ARHGAP42: variants seen among roughly 807,000 people sequenced by gnomAD.
The protein encoded by ARHGAP42 is rho GTPase-activating protein 42.
In ARHGAP42, 63 loss-of-function variants were observed where a neutral mutation model predicts 125.0. The observed-to-expected ratio is 0.50, with a 90% CI of 0.41 to 0.62. The LOEUF (loss-of-function observed/expected upper bound fraction) is 0.62. Among genes scored for constraint, ARHGAP42 ranks in the 20% least tolerant of loss-of-function variants. The pLI, the probability that ARHGAP42 is intolerant of heterozygous loss-of-function variation, is 0.00. For missense variants in ARHGAP42, 766 were observed against 1,024.2 expected, an observed-to-expected ratio of 0.75 and a Z score of 3.44; for synonymous variants, 339 against 351.0, an observed-to-expected ratio of 0.97 and a Z score of 0.38.
chr11:100,964,638 G>A (rs1858043915), intron 16 of ARHGAP42, among the ~76,000 whole-genome samples: 1 of 152,190 alleles, frequency 6.6e-6, no homozygotes, highest in Admixed American at 6.5e-5. Context: ...AGAATGTTAA[G>A]TGAAGCTTTC....
At chr11:100,727,535 C>T (rs765289875) in intron 1 of ARHGAP42, among the ~76,000 whole-genome samples, 1 of 152,174 alleles carries the variant, frequency 6.6e-6, no homozygotes, top group South Asian at 2.1e-4. Flanking sequence ...CACCCCCACC[C>T]TCTGGGAAGG....
intron 2 of ARHGAP42, among the ~76,000 whole-genome samples, chr11:100,775,285 G>A (rs1198048767): frequency 6.6e-6 from 1 of 152,110 alleles, no homozygotes; most frequent in Non-Finnish European, 1.5e-5. Flanking sequence ...TAGACACGCG[G>A]GGCTCAGAAA....
At chr11:100,871,202 A>G (rs941104103) in intron 4 of ARHGAP42, among the ~76,000 whole-genome samples, 21 of 152,214 alleles carry the variant, frequency 1.4e-4, no homozygotes, top group Admixed American at 2.6e-4. Context: ...AGAACTGTCT[A>G]TAGATTTAAA....
intron 17 of ARHGAP42, among the ~76,000 whole-genome samples, chr11:100,968,453 T>A (rs1166077293): frequency 6.6e-6 from 1 of 152,180 alleles, no homozygotes; most frequent in Non-Finnish European, 1.5e-5. Flanking sequence ...GTACTTAACT[T>A]AATTCATGTG....
chr11:100,717,206 C>A (rs1418763109), intron 1 of ARHGAP42, among the ~76,000 whole-genome samples: 4 of 152,182 alleles, frequency 2.6e-5, no homozygotes, highest in African/African-American at 7.2e-5. Flanking sequence ...TCTGTCCTGG[C>A]ACTCAGGTTC....
In ARHGAP42 at chr11:100,795,111, C is replaced by T. The variant is rs1238133470; in HGVS notation, c.257C>T (p.Ser86Leu). ...ETDDEISIAQ[S>L]LKEFARLLIA... ...TTTTTATCTTTCCAAACAGCTCAGT[C>T]ACTAAAAGAATTTGCAAGACTACTC... is the stretch of plus-strand genomic sequence containing the variant. Residue 86 changes from serine (S) to leucine (L), a missense_variant, in exon 3 of 24, where the codon TCA becomes TTA. By Grantham distance (145) the Ser-to-Leu change is moderately radical. Transcript: ENST00000298815. 6.5e-7 allele frequency: 1 copy of T among 1,545,518 alleles called. No homozygotes were observed. Among genetic ancestry groups the T allele is most frequent in the Non-Finnish European group, 8.7e-7 (1 of 1,144,354 alleles).
rs2120153438 is a variant in ARHGAP42 at position 100,687,396 on chromosome 11, C to A, written c.-283C>A. On this transcript the variant is annotated 5_prime_UTR_variant, in exon 1 of 24. Transcript: ENST00000298815. ...GCCGCGGCCCGGAGCCTCGCCGCCC[C>A]CGCGTTCCGAACGACGATGCGTCCA... Among the ~76,000 whole-genome samples the A allele has an allele frequency of 6.6e-6, 1 of 152,154 alleles. No individual in the cohort carries two copies. The highest frequency in any genetic ancestry group is 2.4e-5 in the African/African-American group (1 of 41,556).
At chr11:100,934,075 C>T (rs1033581503) in intron 7 of ARHGAP42, among the ~76,000 whole-genome samples, 23 of 152,282 alleles carry the variant, frequency 1.5e-4, no homozygotes, top group African/African-American at 4.8e-4. Context: ...TGTGACCCAC[C>T]GTGCCTAGCC....
At chr11:100,796,801 A>T (rs1452220358) in intron 3 of ARHGAP42, among the ~76,000 whole-genome samples, 1 of 129,596 alleles carries the variant, frequency 7.7e-6, no homozygotes, top group Non-Finnish European at 1.6e-5. Flanking sequence ...ACAGAGTCTC[A>T]CTCTGTCGTC....
At chr11:100,746,008 T>C (rs546529958) in intron 1 of ARHGAP42, among the ~76,000 whole-genome samples, 1 of 152,330 alleles carries the variant, frequency 6.6e-6, no homozygotes, top group African/African-American at 2.4e-5. Context: ...TTTTGCTTTA[T>C]GATGTCTTAT....
chr11:100,792,867 C>G (rs1053464395), intron 2 of ARHGAP42, among the ~76,000 whole-genome samples: 5 of 151,938 alleles, frequency 3.3e-5, no homozygotes, highest in Non-Finnish European at 2.9e-5. Flanking sequence ...GTTCTCCTGC[C>G]TCAGCCTCCT....
chr11:100,885,152 G>C (rs990111488), intron 4 of ARHGAP42, among the ~76,000 whole-genome samples: 1 of 152,208 alleles, frequency 6.6e-6, no homozygotes, highest in African/African-American at 2.4e-5. Flanking sequence ...TTACTCCTCT[G>C]CTGTTCCCTG....
chr11:100,687,864 G>T (rs2120155800), intron 1 of ARHGAP42, 32 bp downstream of exon 1: 2 of 1,511,798 alleles, frequency 1.3e-6, no homozygotes, highest in Non-Finnish European at 1.8e-6. Context: ...GTGGACACCC[G>T]CATCTGGAGA....
chr11:100,950,063 C>A, intron 12 of ARHGAP42, 107 bp downstream of exon 12: 1 of 555,258 alleles, frequency 1.8e-6, no homozygotes, highest in Non-Finnish European at 2.9e-6. Context: ...CACCATTGAT[C>A]TCATGGTACA....
At chr11:100,724,595 T>G (rs1286450862) in intron 1 of ARHGAP42, among the ~76,000 whole-genome samples, 2 of 152,106 alleles carry the variant, frequency 1.3e-5, no homozygotes, top group African/African-American at 4.8e-5. Context: ...ATTGTAGGCA[T>G]AGAGTTGTTT....
At chr11:100,770,485 C>A in intron 2 of ARHGAP42, 47 bp downstream of exon 2, 1 of 1,323,866 alleles carries the variant, frequency 7.6e-7, no homozygotes, top group Non-Finnish European at 1.1e-6. Context: ...ATTTATTTTA[C>A]TGAAATCAAA....
At chr11:100,953,479 T>G (rs1857718804) in intron 12 of ARHGAP42, among the ~76,000 whole-genome samples, 1 of 152,216 alleles carries the variant, frequency 6.6e-6, no homozygotes, top group Admixed American at 6.5e-5. Context: ...CTGAAAATCC[T>G]ACAAGCAACA....
At chr11:100,903,024 C>T (rs672160) in intron 4 of ARHGAP42, among the ~76,000 whole-genome samples, 120,857 of 151,724 alleles carry the variant, frequency 0.8, 48,589 homozygotes, top group East Asian at 1. Flanking sequence ...TGGCTCCTCA[C>T]GCTGCTGTGG....
In ARHGAP42 at chr11:100,687,555, C is replaced by T. The variant is rs1861104800; in HGVS notation, c.-124C>T. On this transcript the variant is annotated 5_prime_UTR_variant, in exon 1 of 24. Transcript: ENST00000298815. ...GGCCCGTTTCCTCCGCGCAATCAGT[C>T]CCCTCGCGTCCCGGCGCCTTCCCCG... The T allele has an allele frequency of 1.0e-5, 7 of 671,116 alleles. No homozygotes were observed. Among genetic ancestry groups the T allele is most frequent in the Non-Finnish European group, 1.2e-5 (6 of 506,258 alleles). The allele number at this position is 671,116 out of a possible 1,614,324, so 41.6% of individuals were successfully genotyped here. A position where few individuals can be genotyped will look rare whatever the true frequency, so the allele number is the denominator to read the frequency against.
Sources: allele counts gnomAD v4.1 joint callset (sites outside exome capture counted in the v4.1 genomes callset), GRCh38; gene constraint gnomAD v4.1.1; transcripts MANE v1.5; gene names NCBI Gene and HGNC (gene_info 2026-07-23, HGNC 2026-07-21).